The following GSE1 variants were observed in gnomAD, a reference collection of about 807,000 sequenced individuals.
GSE1 encodes genetic suppressor element 1.
In GSE1, 32 loss-of-function variants were observed where a neutral mutation model predicts 112.6. The ratio of observed to expected loss-of-function variants is 0.28; its 90% CI spans 0.21 to 0.38. GSE1 has a LOEUF of 0.38. Among genes scored for constraint, GSE1 ranks in the 10% least tolerant of loss-of-function variants. GSE1 has a pLI of 1.00. For missense variants in GSE1, 2,348 were observed against 1,699.2 expected (o/e 1.38, Z -6.71); for synonymous variants, 1,115 against 735.6 (o/e 1.52, Z -8.35).
chr16:85,480,171 C>T (rs183693311), intron 2 of GSE1, among the ~76,000 whole-genome samples: 55 of 152,342 alleles, frequency 3.6e-4, no homozygotes, highest in East Asian at 1.5e-3. Flanking sequence ...CCAGGGTCAT[C>T]GGCCTCAAGG....
chr16:85,590,172 CATT>C (rs1171889080), intron 1 of GSE1, among the ~76,000 whole-genome samples: 3 of 151,740 alleles, frequency 2.0e-5, no homozygotes, highest in Admixed American at 2.0e-4. Context: ...ATGTGTGTGA[CATT>C]GTGTATGTCA....
At chr16:85,203,043 C>T (rs1424994302) in intron 1 of GSE1, among the ~76,000 whole-genome samples, 1 of 145,318 alleles carries the variant, frequency 6.9e-6, no homozygotes, top group Non-Finnish European at 1.5e-5. Context: ...GGGAATGTGG[C>T]TCTGGCCCCA....
chr16:85,188,642 AAAATT>A (rs2074758674), intron 1 of GSE1, among the ~76,000 whole-genome samples: 1 of 152,052 alleles, frequency 6.6e-6, no homozygotes, highest in Non-Finnish European at 1.5e-5. Context: ...TCTCTACAAA[AAAATT>A]AAAAATTAGC....
At chr16:85,458,161 C>T (rs1473641627) in intron 2 of GSE1, among the ~76,000 whole-genome samples, 2 of 152,200 alleles carry the variant, frequency 1.3e-5, no homozygotes, top group East Asian at 3.9e-4. Context: ...GGCCTCCCAG[C>T]ACTTGGAAGT....
chr16:85,302,121 C>T (rs544348874), intron 1 of GSE1, among the ~76,000 whole-genome samples: 10 of 152,290 alleles, frequency 6.6e-5, no homozygotes, highest in African/African-American at 2.4e-4. Context: ...CGTCCAATTT[C>T]CCGTCTTGGA....
intron 1 of GSE1, among the ~76,000 whole-genome samples, chr16:85,181,758 A>T (rs981860154): frequency 1.3e-5 from 2 of 152,158 alleles, no homozygotes; most frequent in South Asian, 4.1e-4. Context: ...AGGACTGGCC[A>T]TGGGGCTGGG....
At chr16:85,276,507 T>C (rs1909377832) in intron 1 of GSE1, among the ~76,000 whole-genome samples, 2 of 152,146 alleles carry the variant, frequency 1.3e-5, no homozygotes, top group African/African-American at 4.8e-5. Context: ...TGGAATCGGC[T>C]CCTAAGTCAC....
intron 1 of GSE1, among the ~76,000 whole-genome samples, chr16:85,336,803 C>T (rs754289480): frequency 6.6e-6 from 1 of 152,182 alleles, no homozygotes; most frequent in East Asian, 1.9e-4. Context: ...TATGCATGCT[C>T]ACACACAAGG....
chr16:85,388,848 G>T (rs966376381), intron 2 of GSE1, among the ~76,000 whole-genome samples: 1 of 152,198 alleles, frequency 6.6e-6, no homozygotes, highest in Non-Finnish European at 1.5e-5. Context: ...CTCTGCACTG[G>T]GGGTTGGATT....
At chr16:85,398,140 T>C (rs2048010621) in intron 2 of GSE1, among the ~76,000 whole-genome samples, 1 of 152,184 alleles carries the variant, frequency 6.6e-6, no homozygotes, top group Non-Finnish European at 1.5e-5. Flanking sequence ...ATGTTGTCTC[T>C]CAGTACCTCA....
At chr16:85,212,470 G>A (rs751086843) in intron 1 of GSE1, among the ~76,000 whole-genome samples, 1 of 152,112 alleles carries the variant, frequency 6.6e-6, no homozygotes, top group Admixed American at 6.5e-5. Context: ...GCCCTAAGCC[G>A]ATAGGACTGA....
intron 2 of GSE1, among the ~76,000 whole-genome samples, chr16:85,428,110 C>T (rs4783199): frequency 0.019 from 2,886 of 152,294 alleles, 30 homozygotes; most frequent in Non-Finnish European, 0.027. Context: ...CAAGGGGCTT[C>T]GGTGCTGGGA....
intron 1 of GSE1, among the ~76,000 whole-genome samples, chr16:85,264,524 C>G (rs574443418): frequency 6.6e-6 from 1 of 152,172 alleles, no homozygotes; most frequent in African/African-American, 2.4e-5. Context: ...ACCTGCCACT[C>G]GCTGAAGACC....
intron 1 of GSE1, among the ~76,000 whole-genome samples, chr16:85,621,440 GGCGT>G (rs2048736998): frequency 6.6e-6 from 1 of 152,240 alleles, no homozygotes; most frequent in African/African-American, 2.4e-5. Flanking sequence ...CCGATGTCCT[GGCGT>G]CCTTTTTTGA....
At chr16:85,440,605 TC>T (rs1262182262) in intron 2 of GSE1, among the ~76,000 whole-genome samples, 1 of 152,208 alleles carries the variant, frequency 6.6e-6, no homozygotes, top group Non-Finnish European at 1.5e-5. Flanking sequence ...CACACCAGAT[TC>T]CCTGGCTGGG....
rs2047209015 is a variant in GSE1 at position 85,595,972 on chromosome 16, C to T, written c.37+39609C>T. Among the ~76,000 whole-genome samples the T allele has an allele frequency of 2.9e-5, 4 of 138,182 alleles. No individual in the cohort carries two copies. In the South Asian group the frequency reaches 7.7e-4, roughly 27 times the overall value. 90.7% of individuals were successfully genotyped at this position (138,182 alleles called of 152,430 possible). On this transcript the variant is annotated intron_variant, in intron 1 of 2. Coordinates refer to the GSE1 transcript ENST00000635906. ...TTCCTCCGCCCTCCCACCCATTCCT[C>T]TATCCACCCACTCATTCCTCCATCC...
At chr16:85,275,278 C>A (rs967782156) in intron 1 of GSE1, among the ~76,000 whole-genome samples, 1 of 152,168 alleles carries the variant, frequency 6.6e-6, no homozygotes, top group African/African-American at 2.4e-5. Context: ...TCCAATAGCC[C>A]CCGTTCCTCC....
At chr16:85,549,724 T>C (rs1157575999) in intron 2 of GSE1, among the ~76,000 whole-genome samples, 1 of 152,162 alleles carries the variant, frequency 6.6e-6, no homozygotes, top group Non-Finnish European at 1.5e-5. Flanking sequence ...AGACTTGGAA[T>C]GTTCATAGAC....
exon 1 of GSE1, chr16:85,169,874 G>A (rs2074329971): frequency 1.0e-6 from 1 of 984,380 alleles, no homozygotes; most frequent in African/African-American, 1.8e-5. Flanking sequence ...TGGCTCAAGC[G>A]GCCCCACCAG....
Sources: gnomAD v4.1 joint callset for allele counts (sites outside exome capture counted in the v4.1 genomes callset) on GRCh38, gnomAD v4.1.1 for gene constraint, MANE v1.5 for transcripts, NCBI Gene and HGNC (gene_info 2026-07-23, HGNC 2026-07-21) for gene names.